Variants in STIM1 observed in about 807,000 individuals in gnomAD.
The protein encoded by STIM1 is stromal interaction molecule 1.
STIM1 carries 25 observed loss-of-function variants against 74.7 expected under a neutral mutation model. That is an observed-to-expected ratio of 0.33 (90% CI 0.24 to 0.47). The LOEUF is 0.47. Among genes scored for constraint, STIM1 ranks in the 20% least tolerant of loss-of-function variants. STIM1 has a pLI of 1.00. For synonymous variants in STIM1, 328 were observed against 348.8 expected (o/e 0.94, Z 0.66); for missense variants, 728 against 920.8 (o/e 0.79, Z 2.71).
chr11:3,905,184 A>C (rs1400582716), intron 1 of STIM1, among the ~76,000 whole-genome samples: 1 of 152,028 alleles, frequency 6.6e-6, no homozygotes, highest in Non-Finnish European at 1.5e-5. Flanking sequence ...CTACTGAGTC[A>C]TTGGTGACCA....
chr11:4,056,583 G>C (rs2094291725), intron 4 of STIM1, among the ~76,000 whole-genome samples: 1 of 152,168 alleles, frequency 6.6e-6, no homozygotes, highest in Non-Finnish European at 1.5e-5. Flanking sequence ...TCAGCAAAGG[G>C]GAAAGGGGAA....
chr11:4,017,475 T>TA (rs1331873956), intron 2 of STIM1, among the ~76,000 whole-genome samples: 1 of 152,188 alleles, frequency 6.6e-6, no homozygotes, highest in Non-Finnish European at 1.5e-5. Flanking sequence ...GCTCTCCACT[T>TA]ACCTCGGTGA....
chr11:4,092,174 C>G lies in STIM1; in HGVS notation c.*376C>G, dbSNP rs958716564. 3.0e-6 allele frequency: 1 copy of G among 335,350 alleles called. No homozygotes were observed. Among genetic ancestry groups the G allele is most frequent in the Non-Finnish European group, 5.8e-6 (1 of 173,630 alleles). 20.8% of individuals were successfully genotyped at this position (335,350 alleles called of 1,614,324 possible). On this transcript the variant is annotated 3_prime_UTR_variant, in exon 13 of 13. Coordinates refer to ENST00000526596, the MANE Select transcript of STIM1 (RefSeq NM_001382567.1). ...TCTGTCTCTTGCTTTCGGGCTCCTCCCTCCCACCACTCCCCAACTTCCCCT... is the reference window on the plus strand; with the variant it reads ...TCTGTCTCTTGCTTTCGGGCTCCTCGCTCCCACCACTCCCCAACTTCCCCT...
intron 2 of STIM1, among the ~76,000 whole-genome samples, chr11:4,000,058 G>A (rs527526688): frequency 4.6e-5 from 7 of 151,896 alleles, no homozygotes; most frequent in East Asian, 1.9e-4. Context: ...GCCCAGGCTC[G>A]CTTAGGTAAA....
At chr11:4,018,668 A>G (rs2959057) in intron 2 of STIM1, among the ~76,000 whole-genome samples, 1 of 148,734 alleles carries the variant, frequency 6.7e-6, no homozygotes, top group Non-Finnish European at 1.5e-5. Context: ...AAAAAAAGGC[A>G]TAAAAGGGGG....
At chr11:3,971,476 C>T (rs2093394582) in intron 2 of STIM1, among the ~76,000 whole-genome samples, 1 of 152,056 alleles carries the variant, frequency 6.6e-6, no homozygotes, top group Non-Finnish European at 1.5e-5. Context: ...TTGCAGTGAG[C>T]CGAGATCGCA....
At chr11:4,036,487 TC>T (rs756571963) in intron 3 of STIM1, among the ~76,000 whole-genome samples, 2 of 152,198 alleles carry the variant, frequency 1.3e-5, no homozygotes, top group Non-Finnish European at 2.9e-5. Context: ...GTAAAAGTGT[TC>T]CTTTTTCTCT....
intron 2 of STIM1, among the ~76,000 whole-genome samples, chr11:4,001,533 T>C (rs937490642): frequency 6.6e-6 from 1 of 152,124 alleles, no homozygotes; most frequent in Admixed American, 6.6e-5. Context: ...GACAAGCAAA[T>C]GCTGAGAGAT....
At chr11:3,861,344 C>T (rs1392571938) in intron 1 of STIM1, among the ~76,000 whole-genome samples, 2 of 151,966 alleles carry the variant, frequency 1.3e-5, no homozygotes, top group African/African-American at 4.8e-5. Flanking sequence ...TGCCATTCTC[C>T]TGCCTCAGCC....
At chr11:3,918,071 A>G (rs747585540) in intron 1 of STIM1, among the ~76,000 whole-genome samples, 1 of 152,170 alleles carries the variant, frequency 6.6e-6, no homozygotes. Flanking sequence ...AGACACAGCT[A>G]GACACAGGGA....
At chr11:4,006,090 G>A (rs2093777615) in intron 2 of STIM1, among the ~76,000 whole-genome samples, 1 of 152,154 alleles carries the variant, frequency 6.6e-6, no homozygotes, top group African/African-American at 2.4e-5. Context: ...CTGGAGGTGG[G>A]GCTGTTAGGA....
intron 5 of STIM1, among the ~76,000 whole-genome samples, chr11:4,069,751 C>T (rs920556695): frequency 6.6e-6 from 1 of 152,272 alleles, no homozygotes; most frequent in African/African-American, 2.4e-5. Flanking sequence ...GTTCTCTCCT[C>T]TTCACTGCAT....
intron 1 of STIM1, among the ~76,000 whole-genome samples, chr11:3,885,747 C>T: frequency 6.6e-6 from 1 of 152,180 alleles, no homozygotes; most frequent in East Asian, 1.9e-4. Context: ...AAGTGATTCT[C>T]TCACGTCAGC....
chr11:4,023,244 G>T (rs993580574), intron 2 of STIM1, among the ~76,000 whole-genome samples: 2 of 152,112 alleles, frequency 1.3e-5, no homozygotes, highest in Non-Finnish European at 2.9e-5. Flanking sequence ...CAAGAGAATT[G>T]CTTGAACTTC....
chr11:4,051,875 A>G (rs532199894), intron 3 of STIM1, among the ~76,000 whole-genome samples: 2 of 152,162 alleles, frequency 1.3e-5, no homozygotes, highest in Non-Finnish European at 2.9e-5. Context: ...TCAGCCCAAA[A>G]TCTCCTTAAG....
chr11:4,056,814 G>A (rs980249491), intron 4 of STIM1, among the ~76,000 whole-genome samples: 3 of 152,290 alleles, frequency 2.0e-5, no homozygotes, highest in African/African-American at 7.2e-5. Context: ...CACAACTCTG[G>A]GAGGAAGAGT....
At chr11:4,014,522 G>T (rs748067118) in intron 2 of STIM1, among the ~76,000 whole-genome samples, 234 of 152,264 alleles carry the variant, frequency 1.5e-3, no homozygotes, top group Non-Finnish European at 2.7e-3. Flanking sequence ...AGAATGTATA[G>T]TCTGTTGATT....
chr11:3,889,815 T>G (rs10835249), intron 1 of STIM1, among the ~76,000 whole-genome samples: 56,428 of 151,908 alleles, frequency 0.37, 11,026 homozygotes, highest in South Asian at 0.48. Context: ...AGATGCAGTT[T>G]TCTAGGCTTG....
intron 2 of STIM1, among the ~76,000 whole-genome samples, chr11:4,021,889 A>C (rs1045586567): frequency 6.6e-6 from 1 of 152,044 alleles, no homozygotes. Flanking sequence ...CATTGTAGAG[A>C]TCTTTTACCT....
Sources: gnomAD v4.1 joint callset for allele counts (sites outside exome capture counted in the v4.1 genomes callset) on GRCh38, gnomAD v4.1.1 for gene constraint, MANE v1.5 for transcripts, NCBI Gene and HGNC (gene_info 2026-07-23, HGNC 2026-07-21) for gene names.